The following LASP1 variants were observed in gnomAD, a reference collection of about 807,000 sequenced individuals.
The protein encoded by LASP1 is LIM and SH3 domain protein 1.
Under a neutral mutation model 38.6 loss-of-function variants are expected in LASP1, and 10 were observed. That is an observed-to-expected ratio of 0.26 (90% confidence interval 0.16 to 0.44). The LOEUF is 0.44. LASP1 is among the 20% of genes least tolerant of loss of function. The probability of loss-of-function intolerance (pLI) is 1.00; values close to 1 mark genes in which losing one functional copy is unlikely to be tolerated. For missense variants in LASP1, 243 were observed against 375.7 expected (o/e 0.65, Z 2.92); for synonymous variants, 132 against 140.8 (o/e 0.94, Z 0.44).
intron 4 of LASP1, chr17:38,903,974 G>A (rs1914711780): frequency 2.0e-5 from 3 of 152,208 alleles, no homozygotes; most frequent in South Asian, 2.1e-4. Context: ...CAGTGTTCAA[G>A]TATGGAAAAC....
At chr17:38,870,846 T>C (rs1913585967) in intron 1 of LASP1, among the ~76,000 whole-genome samples, 1 of 152,202 alleles carries the variant, frequency 6.6e-6, no homozygotes, top group Non-Finnish European at 1.5e-5. Flanking sequence ...GCCCCGTTTT[T>C]GAACGACCTG....
chr17:38,881,662 G>A (rs1052621399), intron 2 of LASP1, among the ~76,000 whole-genome samples: 1 of 152,162 alleles, frequency 6.6e-6, no homozygotes, highest in Non-Finnish European at 1.5e-5. Context: ...GAAGCATCAC[G>A]TGCTCCATGC....
At chr17:38,886,172 ACT>A (rs1427411475) in intron 2 of LASP1, among the ~76,000 whole-genome samples, 4 of 143,440 alleles carry the variant, frequency 2.8e-5, no homozygotes, top group Non-Finnish European at 4.6e-5. Context: ...CTCTCTCCTC[ACT>A]CTCTCTCTCA....
chr17:38,913,420 G>A (rs997195129), intron 4 of LASP1, among the ~76,000 whole-genome samples: 9 of 152,188 alleles, frequency 5.9e-5, no homozygotes, highest in African/African-American at 1.2e-4. Flanking sequence ...TAGTACCCAC[G>A]ACATCTTGCA....
At position 38,870,370 on chromosome 17, in the gene LASP1, G is replaced by A. The variant is rs1347910675; in HGVS notation, c.69+112G>A. The A allele has an allele frequency of 2.4e-6, 3 of 1,235,506 alleles. No homozygotes were observed. The East Asian group carries it at 7.6e-5, about 31-fold the overall frequency. 76.5% of individuals were successfully genotyped at this position (1,235,506 alleles called of 1,614,324 possible). On this transcript the variant is annotated intron_variant, in intron 1 of 6. Coordinates refer to ENST00000318008, the MANE Select transcript of LASP1 (RefSeq NM_006148.4). ...CTTATCCCCGCGATCCCAGGAGAAT[G>A]GAGGGAGGGCGAGCGGGCGGTGTCA...
intron 4 of LASP1, among the ~76,000 whole-genome samples, chr17:38,906,108 T>C (rs1260550136): frequency 3.9e-5 from 6 of 152,004 alleles, no homozygotes; most frequent in Admixed American, 2.6e-4. Context: ...GGGAGCAGTA[T>C]TGCATGGTGG....
chr17:38,900,765 G>A (rs1289273405), intron 4 of LASP1, among the ~76,000 whole-genome samples: 1 of 152,230 alleles, frequency 6.6e-6, no homozygotes, highest in Non-Finnish European at 1.5e-5. Context: ...GTGGCCTGAG[G>A]AAATGGCATG....
At chr17:38,891,617 C>T (rs915744747) in intron 3 of LASP1, among the ~76,000 whole-genome samples, 4 of 152,088 alleles carry the variant, frequency 2.6e-5, no homozygotes, top group African/African-American at 4.8e-5. Flanking sequence ...GTGCTCCCGG[C>T]GTGTGAGCTC....
intron 2 of LASP1, among the ~76,000 whole-genome samples, chr17:38,878,650 CCTGGGTACTT>C (rs148479691): frequency 1.2e-4 from 18 of 152,264 alleles, no homozygotes; most frequent in African/African-American, 4.1e-4. Context: ...CCTTCTCTCA[CCTGGGTACTT>C]CTAGGCTTTG....
rs556876833 is a variant in LASP1, at chr17:38,898,615, G to T, written c.357+96G>T. 5 of 921,252 alleles carry T rather than the reference G, an allele frequency of 5.4e-6. No homozygotes were observed. In the African/African-American group the frequency reaches 8.2e-5, roughly 15 times the overall value. The allele number at this position is 921,252 out of a possible 1,614,324, so 57.1% of individuals were successfully genotyped here. The stretch of plus-strand genomic sequence containing the variant: ...ACGCAAGCCTGGCAGATGTGAATGA[G>T]GCCAGTGCCTCCACTACCCCTGCCC... On this transcript the variant is annotated intron_variant, in intron 4 of 6. Coordinates refer to ENST00000318008, the MANE Select transcript of LASP1 (RefSeq NM_006148.4).
At chr17:38,903,652 G>C (rs1296541017) in intron 4 of LASP1, 2 of 152,240 alleles carry the variant, frequency 1.3e-5, no homozygotes, top group African/African-American at 4.8e-5. Flanking sequence ...AGACTCCCAG[G>C]TTGCTGGGAT....
Position 38,919,443 on chromosome 17 carries a change from G to T in LASP1, c.*665G>T, listed in dbSNP as rs1464305315. On this transcript the variant is annotated 3_prime_UTR_variant, in exon 7 of 7. Transcript: ENST00000318008. The stretch of plus-strand genomic sequence containing the variant: ...GCCCTCCTGCCCACGCAGACCTGCA[G>T]CGGGCAAAGAGCTCCCGAGGAAGCA... The T allele has an allele frequency of 3.3e-5, 8 of 241,966 alleles. No individual in the cohort carries two copies. Among genetic ancestry groups the T allele is most frequent in the Admixed American group, 3.0e-4 (6 of 19,868 alleles). 15.0% of individuals were successfully genotyped at this position (241,966 alleles called of 1,614,324 possible).
At chr17:38,913,862 C>T (rs529513091) in intron 4 of LASP1, among the ~76,000 whole-genome samples, 35 of 152,008 alleles carry the variant, frequency 2.3e-4, no homozygotes, top group Non-Finnish European at 4.1e-4. Context: ...ATTAGCTGGG[C>T]GTAGTGGCAG....
At chr17:38,907,402 G>C (rs1914803766) in intron 4 of LASP1, among the ~76,000 whole-genome samples, 1 of 152,134 alleles carries the variant, frequency 6.6e-6, no homozygotes, top group Admixed American at 6.5e-5. Context: ...TGGGCGTGTG[G>C]TCACCCTGCT....
chr17:38,914,235 G>A, intron 4 of LASP1, 90 bp from the exon 5 acceptor site: 5 of 1,475,072 alleles, frequency 3.4e-6, no homozygotes, highest in Non-Finnish European at 4.6e-6. Context: ...CTCTTGGGTA[G>A]TCTCTCCCAT....
At chr17:38,905,733 A>T (rs955612226) in intron 4 of LASP1, among the ~76,000 whole-genome samples, 1 of 152,052 alleles carries the variant, frequency 6.6e-6, no homozygotes, top group African/African-American at 2.4e-5. Context: ...GTGATTACTA[A>T]TGAAGTTGAG....
Position 38,915,030 on chromosome 17 carries a change from T to C in LASP1, c.509-13T>C. 1.9e-6 allele frequency: 3 copies of C among 1,613,080 alleles called. No homozygotes were observed. The highest frequency in any genetic ancestry group is 2.5e-6 in the Non-Finnish European group (3 of 1,179,368). On this transcript the variant is annotated splice_polypyrimidine_tract_variant and intron_variant, in intron 5 of 6. Transcript: ENST00000318008. ...AGGACAGTTTCCAAGCCCTGTCTCC[T>C]CCCATCTTCCAGTTTACCAGCAGCC... is the stretch of plus-strand genomic sequence containing the variant.
At chr17:38,888,843 C>T (rs892512178) in intron 2 of LASP1, among the ~76,000 whole-genome samples, 2 of 151,724 alleles carry the variant, frequency 1.3e-5, no homozygotes, top group African/African-American at 4.8e-5. Flanking sequence ...CTGAGGGTTG[C>T]CGTGGCTTCG....
At chr17:38,901,203 G>A (rs1186383106) in intron 4 of LASP1, among the ~76,000 whole-genome samples, 3 of 152,172 alleles carry the variant, frequency 2.0e-5, no homozygotes, top group African/African-American at 7.2e-5. Flanking sequence ...TTTCTGGAAG[G>A]CTTCCAGAAC....
Sources: allele counts gnomAD v4.1 joint callset (sites outside exome capture counted in the v4.1 genomes callset), GRCh38; gene constraint gnomAD v4.1.1; transcripts MANE v1.5; gene names NCBI Gene and HGNC (gene_info 2026-07-23, HGNC 2026-07-21).